MCCC2: variants seen among roughly 807,000 people sequenced by gnomAD.
MCCC2 encodes the protein methylcrotonoyl-CoA carboxylase beta chain, mitochondrial.
MCCC2 carries 52 observed loss-of-function variants against 77.2 expected under a neutral mutation model. That is an observed-to-expected ratio of 0.67 (90% CI 0.54 to 0.85). MCCC2 has a LOEUF of 0.85. Among genes scored for constraint, MCCC2 ranks in the 40% least tolerant of loss-of-function variants. MCCC2 has a pLI of 0.00. For synonymous variants in MCCC2, 253 were observed against 248.4 expected (o/e 1.02, Z -0.18); for missense variants, 682 against 703.2 (o/e 0.97, Z 0.34).
At chr5:71,624,423 G>A (rs1048410151) in intron 6 of MCCC2, among the ~76,000 whole-genome samples, 33 of 151,982 alleles carry the variant, frequency 2.2e-4, no homozygotes, top group Non-Finnish European at 2.1e-4. Context: ...TTGTTGCCCA[G>A]GTGGAGTGCA....
intron 12 of MCCC2, among the ~76,000 whole-genome samples, chr5:71,644,431 C>T (rs998889299): frequency 5.3e-5 from 8 of 151,680 alleles, no homozygotes; most frequent in African/African-American, 7.3e-5. Flanking sequence ...TTACTGGACC[C>T]GTGACTTTAA....
rs1398247533 is a variant in MCCC2, at chr5:71,633,125, A to ATTTTTTTTTTTT, written c.803+941_803+942insTTTTTTTTTTTT. Among the ~76,000 whole-genome samples the ATTTTTTTTTTTT allele has an allele frequency of 1.5e-3, 65 of 42,856 alleles. 1 individual carries two copies. Among genetic ancestry groups the ATTTTTTTTTTTT allele is most frequent in the Non-Finnish European group, 2.3e-3 (49 of 21,230 alleles). 28.1% of individuals were successfully genotyped at this position (42,856 alleles called of 152,430 possible). Reference sequence around the variant, plus strand: ...TATATATATATATATATATATATATATATATATTTTTATTTTTTGTAGAAA... The same window carrying ATTTTTTTTTTTT: ...TATATATATATATATATATATATATATTTTTTTTTTTTTATATATTTTTATTTTTTGTAGAAA... On this transcript the variant is annotated intron_variant, in intron 8 of 16. Transcript: ENST00000340941.
At chr5:71,588,672 G>A (rs1485657631) in intron 1 of MCCC2, among the ~76,000 whole-genome samples, 1 of 152,178 alleles carries the variant, frequency 6.6e-6, no homozygotes, top group African/African-American at 2.4e-5. Context: ...GCTACCGATA[G>A]GAAGTAATGG....
chr5:71,633,427 A>G (rs919249184), intron 8 of MCCC2, among the ~76,000 whole-genome samples: 2 of 152,046 alleles, frequency 1.3e-5, no homozygotes. Flanking sequence ...TCATAGATAA[A>G]GTGAAAATTG....
chr5:71,595,058 C>G (rs1307912292), intron 2 of MCCC2, among the ~76,000 whole-genome samples: 3 of 130,376 alleles, frequency 2.3e-5, no homozygotes, highest in Non-Finnish European at 4.8e-5. Flanking sequence ...ACCACCACAC[C>G]CAGCTAATTT....
chr5:71,644,657 A>T (rs1284363250), intron 12 of MCCC2, among the ~76,000 whole-genome samples: 1 of 152,144 alleles, frequency 6.6e-6, no homozygotes, highest in East Asian at 1.9e-4. Context: ...TACTTCAGGA[A>T]ATAAAATGTT....
intron 3 of MCCC2, among the ~76,000 whole-genome samples, chr5:71,599,196 C>T (rs1745324201): frequency 6.6e-6 from 1 of 152,036 alleles, no homozygotes; most frequent in African/African-American, 2.4e-5. Context: ...TGGTGAAACC[C>T]CGTCTCTACT....
chr5:71,610,972 G>T (rs1192330379), intron 6 of MCCC2, among the ~76,000 whole-genome samples: 1 of 151,862 alleles, frequency 6.6e-6, no homozygotes, highest in Non-Finnish European at 1.5e-5. Flanking sequence ...GCGACGAAGT[G>T]AGACTCCGTC....
chr5:71,643,223 A>C (rs927781213), intron 11 of MCCC2, among the ~76,000 whole-genome samples: 8 of 152,080 alleles, frequency 5.3e-5, no homozygotes, highest in African/African-American at 1.9e-4. Context: ...CTCTACAAAA[A>C]ATACAAAAAC....
intron 10 of MCCC2, among the ~76,000 whole-genome samples, chr5:71,639,796 T>C (rs979547862): frequency 6.6e-6 from 1 of 152,234 alleles, no homozygotes; most frequent in Non-Finnish European, 1.5e-5. Flanking sequence ...TTTACAGGTA[T>C]ATAGCACCCA....
At chr5:71,610,681 A>G (rs1463871076) in intron 6 of MCCC2, among the ~76,000 whole-genome samples, 1 of 152,210 alleles carries the variant, frequency 6.6e-6, no homozygotes, top group Non-Finnish European at 1.5e-5. Flanking sequence ...CTATACTGTA[A>G]TAAGATTATT....
rs1468231692 is a variant in MCCC2, at chr5:71,602,552, G to T, written c.430G>T (p.Ala144Ser). 1.9e-6 allele frequency: 3 copies of T among 1,614,166 alleles called. No homozygotes were observed. The highest frequency in any genetic ancestry group is 2.2e-5 in the South Asian group (2 of 91,082). ...CAATGATGCCACCGTCAAAGGAGGTGCCTACTACCCAGTGACTGTGAAAAA... is the reference window on the plus strand; with the variant it reads ...CAATGATGCCACCGTCAAAGGAGGTTCCTACTACCCAGTGACTGTGAAAAA... ...IANDATVKGG[A>S]YYPVTVKKQL... Residue 144 changes from alanine (A) to serine (S), a missense_variant, in exon 5 of 17, where the codon GCC becomes TCC. Transcript: ENST00000340941.
At chr5:71,631,610 G>A (rs1490349959) in intron 7 of MCCC2, among the ~76,000 whole-genome samples, 10 of 147,812 alleles carry the variant, frequency 6.8e-5, no homozygotes, top group Admixed American at 1.4e-4. Flanking sequence ...GCGCAATCTC[G>A]GCTCACTGCA....
At chr5:71,618,486 CTTCTTCCTTCCT>C (rs1414094142) in intron 6 of MCCC2, among the ~76,000 whole-genome samples, 6 of 138,074 alleles carry the variant, frequency 4.3e-5, no homozygotes, top group Non-Finnish European at 7.8e-5. Flanking sequence ...TCCTTCTTTC[CTTCTTCCTTCCT>C]TCCTTCCTTC....
chr5:71,652,839 T>C (rs1747477486), intron 16 of MCCC2, 85 bp downstream of exon 16: 2 of 1,092,408 alleles, frequency 1.8e-6, no homozygotes, highest in Admixed American at 3.5e-5. Flanking sequence ...GTAGTTGAGA[T>C]GGTCCAGCAT....
chr5:71,609,834 A>G lies in MCCC2; in HGVS notation c.624+5366A>G, dbSNP rs867464045. Among the ~76,000 whole-genome samples the G allele has an allele frequency of 9.4e-3, 1,422 of 151,404 alleles. 19 individuals are homozygous for G. The highest frequency in any genetic ancestry group is 0.022 in the African/African-American group (904 of 41,292). ...CTGTTGGAATACCCTGCCGTGTGAGATGTCAGTGTGCCCCTGCTGGGGGGT... is the reference window on the plus strand; with the variant it reads ...CTGTTGGAATACCCTGCCGTGTGAGGTGTCAGTGTGCCCCTGCTGGGGGGT... On this transcript the variant is annotated intron_variant, in intron 6 of 16. Coordinates refer to ENST00000340941, the MANE Select transcript of MCCC2 (RefSeq NM_022132.5).
intron 16 of MCCC2, 71 bp downstream of exon 16, chr5:71,652,825 C>A: frequency 7.7e-7 from 1 of 1,306,586 alleles, no homozygotes; most frequent in Admixed American, 1.7e-5. Flanking sequence ...TTACAGAGCT[C>A]TGTGTAGTTG....
intron 6 of MCCC2, among the ~76,000 whole-genome samples, chr5:71,611,130 G>A (rs1336439017): frequency 1.3e-5 from 2 of 152,328 alleles, no homozygotes; most frequent in East Asian, 3.9e-4. Flanking sequence ...GCCAGGCACT[G>A]TGACTTGTGC....
intron 10 of MCCC2, 59 bp from the exon 11 acceptor site, chr5:71,640,944 T>G: frequency 6.9e-7 from 1 of 1,452,618 alleles, no homozygotes; most frequent in Non-Finnish European, 9.7e-7. Context: ...TAAGTAACTT[T>G]AATACAAAAA....
Sources: gnomAD v4.1 joint callset for allele counts (sites outside exome capture counted in the v4.1 genomes callset) on GRCh38, gnomAD v4.1.1 for gene constraint, MANE v1.5 for transcripts, NCBI Gene and HGNC (gene_info 2026-07-23, HGNC 2026-07-21) for gene names.